PTPRN2: variants seen among roughly 807,000 people sequenced by gnomAD.
The protein encoded by PTPRN2 is receptor-type tyrosine-protein phosphatase N2.
In PTPRN2, 74 loss-of-function variants were observed where a neutral mutation model predicts 118.8. That is an observed-to-expected ratio of 0.62 (90% CI 0.52 to 0.76). The LOEUF (loss-of-function observed/expected upper bound fraction) is 0.76, where lower values mean the gene tolerates loss of function less well. PTPRN2 is among the 30% of genes least tolerant of loss of function. The pLI, the probability that PTPRN2 is intolerant of heterozygous loss-of-function variation, is 0.00. For synonymous variants in PTPRN2, 641 were observed against 608.0 expected (o/e 1.05, Z -0.80); for missense variants, 1,481 against 1,394.4 (o/e 1.06, Z -0.99).
chr7:157,892,802 G>A (rs779602470), intron 12 of PTPRN2, among the ~76,000 whole-genome samples: 15 of 152,058 alleles, frequency 9.9e-5, no homozygotes, highest in South Asian at 2.1e-4. Context: ...TAAACCTCCC[G>A]AAACTACAGC....
chr7:158,089,580 AGG>A (rs1813835115), intron 10 of PTPRN2, among the ~76,000 whole-genome samples: 1 of 82,408 alleles, frequency 1.2e-5, no homozygotes, highest in East Asian at 6.1e-4. Flanking sequence ...CTGATGAAAG[AGG>A]GAGTCTTCAC....
At chr7:158,506,846 A>C (rs543217395) in intron 1 of PTPRN2, among the ~76,000 whole-genome samples, 1 of 152,280 alleles carries the variant, frequency 6.6e-6, no homozygotes, top group East Asian at 1.9e-4. Flanking sequence ...CACCTGGGCC[A>C]GCCCGATGGT....
chr7:158,268,246 G>A (rs115441905), intron 3 of PTPRN2, among the ~76,000 whole-genome samples: 1,977 of 151,646 alleles, frequency 0.013, 36 homozygotes, highest in African/African-American at 0.042. Flanking sequence ...TATCCCAGCC[G>A]CACACACACA....
intron 11 of PTPRN2, among the ~76,000 whole-genome samples, chr7:157,968,554 C>T (rs4716517): frequency 0.59 from 90,271 of 152,044 alleles, 27,034 homozygotes; most frequent in East Asian, 0.7. Context: ...TAACAAGGCT[C>T]GAACGCTGGA....
intron 12 of PTPRN2, among the ~76,000 whole-genome samples, chr7:157,827,466 G>C (rs1464721059): frequency 6.6e-6 from 1 of 152,156 alleles, no homozygotes; most frequent in Admixed American, 6.5e-5. Context: ...CCTGGGCACT[G>C]TCTGGGGGCC....
At chr7:158,168,223 A>G (rs146700513) in intron 5 of PTPRN2, among the ~76,000 whole-genome samples, 41 of 152,382 alleles carry the variant, frequency 2.7e-4, no homozygotes, top group Non-Finnish European at 5.1e-4. Context: ...TGTCACTTGC[A>G]TAATGCACTG....
chr7:157,767,070 C>T (rs1375576481), intron 12 of PTPRN2, among the ~76,000 whole-genome samples: 1 of 152,162 alleles, frequency 6.6e-6, no homozygotes, highest in Non-Finnish European at 1.5e-5. Context: ...CCACAGCTCC[C>T]CCTGCAGGGT....
chr7:157,858,176 G>A lies in PTPRN2; in HGVS notation c.1788+40497C>T, dbSNP rs1383644768. On this transcript the variant is annotated intron_variant, in intron 12 of 22. Transcript: ENST00000389418. ...CACCACCCACACTCCTGCAGGGAGA[G>A]CCTCCCAGCCACCACCCACACTCCT... Among the ~76,000 whole-genome samples, 42 of 21,700 alleles carry A rather than the reference G, an allele frequency of 1.9e-3. 4 individuals are homozygous for A. The highest frequency in any genetic ancestry group is 5.6e-3 in the African/African-American group (23 of 4,082). 14.2% of individuals were successfully genotyped at this position (21,700 alleles called of 152,430 possible). A position where few individuals can be genotyped will look rare whatever the true frequency, so the allele number is the denominator to read the frequency against.
intron 9 of PTPRN2, among the ~76,000 whole-genome samples, chr7:158,131,570 C>A (rs533194915): frequency 1.4e-5 from 2 of 146,420 alleles, no homozygotes; most frequent in African/African-American, 5.1e-5. Flanking sequence ...CACAGCTACC[C>A]GACATACACA....
chr7:157,832,178 G>A (rs1807612684), intron 12 of PTPRN2, among the ~76,000 whole-genome samples: 1 of 152,238 alleles, frequency 6.6e-6, no homozygotes, highest in Admixed American at 6.5e-5. Flanking sequence ...CTCGAGCTCT[G>A]TGTTAAGCCG....
intron 12 of PTPRN2, among the ~76,000 whole-genome samples, chr7:157,806,183 C>A (rs1472711649): frequency 6.6e-6 from 1 of 152,164 alleles, no homozygotes; most frequent in Non-Finnish European, 1.5e-5. Context: ...AGAATATTTA[C>A]ATCACACTTA....
chr7:157,550,802 G>A lies in PTPRN2; in HGVS notation c.2903-1783C>T, dbSNP rs1010534586. 6.6e-6 allele frequency among the ~76,000 whole-genome samples: 1 copy of A among 152,220 alleles called. No homozygotes were observed. Among genetic ancestry groups the A allele is most frequent in the Non-Finnish European group, 1.5e-5 (1 of 68,034 alleles). ...ACCAGGGAACTAGCTGGCAGCTCAC[G>A]CGGGTGGAAGGCGGGGTCAGGTGCA... On this transcript the variant is annotated intron_variant, in intron 21 of 22. Coordinates refer to ENST00000389418, the MANE Select transcript of PTPRN2 (RefSeq NM_002847.5). The surrounding 1 kb of genome is among the most constrained non-coding windows in gnomAD (Gnocchi z 5.2).
chr7:158,202,553 G>C (rs1231603630), intron 4 of PTPRN2, among the ~76,000 whole-genome samples: 1 of 152,216 alleles, frequency 6.6e-6, no homozygotes, highest in Non-Finnish European at 1.5e-5. Context: ...CAGAGGCCCA[G>C]AGGACCCGAT....
intron 12 of PTPRN2, among the ~76,000 whole-genome samples, chr7:157,803,269 A>G (rs1756332588): frequency 6.6e-6 from 1 of 152,128 alleles, no homozygotes; most frequent in South Asian, 2.1e-4. Flanking sequence ...CCAGCCACCT[A>G]TACATTTTAA....
intron 2 of PTPRN2, among the ~76,000 whole-genome samples, chr7:158,442,798 G>A (rs527494510): frequency 2.3e-4 from 35 of 152,222 alleles, no homozygotes; most frequent in South Asian, 1.5e-3. Flanking sequence ...AAAAAGGCAC[G>A]GAAGGGAATG....
intron 11 of PTPRN2, among the ~76,000 whole-genome samples, chr7:158,021,575 C>G (rs914861111): frequency 6.6e-6 from 1 of 152,056 alleles, no homozygotes; most frequent in African/African-American, 2.4e-5. Flanking sequence ...TGCAGAAGGA[C>G]AGCACTGTGA....
At chr7:158,536,455 T>C (rs545100929) in intron 1 of PTPRN2, among the ~76,000 whole-genome samples, 36 of 148,116 alleles carry the variant, frequency 2.4e-4, no homozygotes, top group East Asian at 2.1e-4. Flanking sequence ...CACAAGGGCC[T>C]TTCCAGCCCG....
At chr7:158,110,643 C>T (rs1378960580) in intron 10 of PTPRN2, among the ~76,000 whole-genome samples, 186 bp downstream of exon 10, 1 of 152,190 alleles carries the variant, frequency 6.6e-6, no homozygotes, top group Non-Finnish European at 1.5e-5. Context: ...TCATCCTTCC[C>T]CTTAAACACT....
intron 1 of PTPRN2, among the ~76,000 whole-genome samples, chr7:158,578,581 A>G (rs1421784685): frequency 6.6e-6 from 1 of 151,258 alleles, no homozygotes. Context: ...ATGTATACGC[A>G]GGTTTGTTAC....
Sources: allele counts gnomAD v4.1 joint callset (sites outside exome capture counted in the v4.1 genomes callset), GRCh38; gene constraint gnomAD v4.1.1; non-coding constraint Gnocchi (gnomAD v3.1); transcripts MANE v1.5; gene names NCBI Gene and HGNC (gene_info 2026-07-23, HGNC 2026-07-21).